The following SLC30A8 variants were observed in gnomAD, a reference collection of about 807,000 sequenced individuals.
SLC30A8 encodes the protein solute carrier family 30 member 8.
In SLC30A8, 27 loss-of-function variants were observed where a neutral mutation model predicts 36.9. That is an observed-to-expected ratio of 0.73 (90% CI 0.54 to 1.01). SLC30A8 has a LOEUF of 1.01. SLC30A8 is among the 50% of genes least tolerant of loss of function. SLC30A8 has a pLI of 0.00. For missense variants in SLC30A8, 439 were observed against 452.0 expected (o/e 0.97, Z 0.26); for synonymous variants, 164 against 172.4 (o/e 0.95, Z 0.38).
intron 2 of SLC30A8, among the ~76,000 whole-genome samples, chr8:117,076,837 CTGAT>C (rs1818505539): frequency 6.6e-6 from 1 of 151,814 alleles, no homozygotes; most frequent in South Asian, 2.1e-4. Context: ...TGTTTGTTGA[CTGAT>C]TGACTGATGA....
chr8:116,952,147 G>A (rs1388267507), intron 1 of SLC30A8, among the ~76,000 whole-genome samples: 4 of 151,950 alleles, frequency 2.6e-5, no homozygotes, highest in African/African-American at 9.7e-5. Context: ...TCTGTATTAG[G>A]GAGTAAAGAA....
intron 2 of SLC30A8, among the ~76,000 whole-genome samples, chr8:117,110,573 G>T (rs904737462): frequency 6.6e-6 from 1 of 152,168 alleles, no homozygotes; most frequent in Non-Finnish European, 1.5e-5. Flanking sequence ...GCATGCAGGG[G>T]CACATGACGA....
In SLC30A8 at chr8:117,005,036, A is replaced by G. The variant is rs75680204; in HGVS notation, c.-265-34183A>G. On this transcript the variant is annotated intron_variant, in intron 1 of 10. Transcript: ENST00000427715. ...ATATCACCCAATTGACTTATTTAAA[A>G]TGGGCAATTCAGTGGTTTTACTATT... Among the ~76,000 whole-genome samples the G allele has an allele frequency of 2.3e-3, 350 of 152,286 alleles. 1 individual carries two copies. Among genetic ancestry groups the G allele is most frequent in the African/African-American group, 8.2e-3 (339 of 41,556 alleles).
intron 2 of SLC30A8, among the ~76,000 whole-genome samples, chr8:117,050,363 T>G (rs890129288): frequency 6.6e-6 from 1 of 151,970 alleles, no homozygotes; most frequent in Admixed American, 6.6e-5. Flanking sequence ...GAGCTTGGAT[T>G]AATGGAAACT....
chr8:117,138,166 A>T (rs1821457280), intron 1 of SLC30A8, among the ~76,000 whole-genome samples: 1 of 151,808 alleles, frequency 6.6e-6, no homozygotes, highest in Admixed American at 6.6e-5. Flanking sequence ...GGAAGGGATC[A>T]AGTTTCTCTT....
chr8:117,050,201 C>G (rs1817667647), intron 2 of SLC30A8, among the ~76,000 whole-genome samples: 1 of 152,092 alleles, frequency 6.6e-6, no homozygotes, highest in African/African-American at 2.4e-5. Context: ...TGGCCCGGCT[C>G]TGCTTGATCA....
chr8:117,012,591 T>C (rs1189837680), intron 1 of SLC30A8, among the ~76,000 whole-genome samples: 1 of 151,828 alleles, frequency 6.6e-6, no homozygotes. Flanking sequence ...GCAAATACTA[T>C]GCCATTTTAT....
chr8:117,011,119 G>A (rs1165762427), intron 1 of SLC30A8, among the ~76,000 whole-genome samples: 2 of 152,180 alleles, frequency 1.3e-5, no homozygotes, highest in African/African-American at 2.4e-5. Context: ...CCGAGAGAAC[G>A]AGGGTAACTC....
intron 1 of SLC30A8, among the ~76,000 whole-genome samples, chr8:116,976,084 T>C (rs1465238216): frequency 1.3e-5 from 2 of 152,162 alleles, no homozygotes; most frequent in Non-Finnish European, 2.9e-5. Flanking sequence ...TACTTTCATA[T>C]AGAATCAGTG....
chr8:117,054,098 C>CTTTTTTTTTTTTTT (rs4060800), intron 2 of SLC30A8, among the ~76,000 whole-genome samples: 2 of 124,170 alleles, frequency 1.6e-5, no homozygotes, highest in Admixed American at 8.4e-5. Flanking sequence ...CTGCAAAAAT[C>CTTTTTTTTTTTTTT]TTTTTTTTTT....
In SLC30A8 at chr8:116,953,639, G is replaced by C. The variant is rs969771313; in HGVS notation, c.-266+2520G>C. Reference sequence around the variant, plus strand: ...TGCAGCTTTCTAGGGTTCTATGTGGGCAATTTTGCTTGCTTCTTATGAAAT... The same window carrying C: ...TGCAGCTTTCTAGGGTTCTATGTGGCCAATTTTGCTTGCTTCTTATGAAAT... On this transcript the variant is annotated intron_variant, in intron 1 of 10. Coordinates refer to the SLC30A8 transcript ENST00000427715. 7.9e-5 allele frequency among the ~76,000 whole-genome samples: 12 copies of C among 152,152 alleles called. No homozygotes were observed. The East Asian group carries it at 2.3e-3, about 29-fold the overall frequency.
At chr8:117,023,183 A>G (rs1264559752) in intron 1 of SLC30A8, among the ~76,000 whole-genome samples, 4 of 152,078 alleles carry the variant, frequency 2.6e-5, no homozygotes, top group Admixed American at 6.6e-5. Flanking sequence ...ACCATCTCAC[A>G]CCAGTTAGAA....
intron 1 of SLC30A8, among the ~76,000 whole-genome samples, chr8:116,961,323 G>C (rs1355402781): frequency 6.6e-6 from 1 of 152,092 alleles, no homozygotes; most frequent in Non-Finnish European, 1.5e-5. Context: ...CAGCTACTCG[G>C]GAGGCTGAGG....
intron 1 of SLC30A8, among the ~76,000 whole-genome samples, chr8:117,039,039 G>A (rs753669269): frequency 5.3e-5 from 8 of 151,714 alleles, no homozygotes; most frequent in Non-Finnish European, 1.0e-4. Flanking sequence ...AGAAATACTC[G>A]TGGAGACTCT....
At chr8:116,986,684 T>G (rs192852344) in intron 1 of SLC30A8, among the ~76,000 whole-genome samples, 11 of 152,226 alleles carry the variant, frequency 7.2e-5, no homozygotes, top group African/African-American at 2.6e-4. Context: ...GACAGCCTTC[T>G]CAGTCATCAG....
At chr8:116,977,132 T>C (rs1022214471) in intron 1 of SLC30A8, among the ~76,000 whole-genome samples, 11 of 123,146 alleles carry the variant, frequency 8.9e-5, no homozygotes, top group Non-Finnish European at 1.7e-4. Context: ...TTTCTTTTTC[T>C]TTTTCTTGCT....
intron 1 of SLC30A8, among the ~76,000 whole-genome samples, chr8:116,971,648 A>T (rs930433517): frequency 1.3e-5 from 2 of 151,924 alleles, no homozygotes; most frequent in African/African-American, 2.4e-5. Context: ...ATTCAGAAAG[A>T]TGTTGGGTTC....
intron 1 of SLC30A8, among the ~76,000 whole-genome samples, chr8:117,009,879 A>G (rs964901682): frequency 4.6e-5 from 7 of 152,186 alleles, no homozygotes; most frequent in Admixed American, 2.6e-4. Context: ...TCTCTTTGGA[A>G]ATTGCTCATT....
chr8:117,142,203 T>C (rs1003496442), intron 1 of SLC30A8, among the ~76,000 whole-genome samples: 1 of 152,146 alleles, frequency 6.6e-6, no homozygotes, highest in Non-Finnish European at 1.5e-5. Context: ...ACTACTGTTA[T>C]TTATTAGCAA....
Sources: allele counts gnomAD v4.1 joint callset (sites outside exome capture counted in the v4.1 genomes callset), GRCh38; gene constraint gnomAD v4.1.1; transcripts MANE v1.5; gene names NCBI Gene and HGNC (gene_info 2026-07-23, HGNC 2026-07-21).